The following ILK variants were observed in gnomAD, a reference collection of about 807,000 sequenced individuals.
ILK encodes scaffold protein ILK.
Under a neutral mutation model 57.8 loss-of-function variants are expected in ILK, and 37 were observed. The observed-to-expected ratio is 0.64, with a 90% CI of 0.49 to 0.84. ILK has a LOEUF of 0.84. ILK is among the 40% of genes least tolerant of loss of function. The probability of loss-of-function intolerance (pLI) is 0.00; values close to 1 mark genes in which losing one functional copy is unlikely to be tolerated. For missense variants in ILK, 528 were observed against 595.7 expected (o/e 0.89, Z 1.18); for synonymous variants, 231 against 202.2 (o/e 1.14, Z -1.21).
At chr11:6,604,519 G>T in intron 2 of ILK, 159 bp downstream of exon 2, 1 of 711,096 alleles carries the variant, frequency 1.4e-6, no homozygotes, top group East Asian at 2.7e-5. Flanking sequence ...AGAGGACGCA[G>T]TTTGAGCTGA....
At chr11:6,609,258 C>G (rs759232954) in intron 7 of ILK, 41 bp from the exon 8 acceptor site, 2 of 1,603,082 alleles carry the variant, frequency 1.2e-6, no homozygotes, top group South Asian at 1.1e-5. Flanking sequence ...AAGGAAGTGG[C>G]AGCAACATTT....
At chr11:6,607,309 G>T (rs992949638) in intron 2 of ILK, 3 of 152,140 alleles carry the variant, frequency 2.0e-5, no homozygotes, top group Non-Finnish European at 2.9e-5. Flanking sequence ...AAAAAATCAG[G>T]TATAGTTTTA....
chr11:6,608,588 G>T lies in ILK; in HGVS notation c.351+99G>T. On this transcript the variant is annotated intron_variant, in intron 4 of 12. Coordinates refer to ENST00000299421, the MANE Select transcript of ILK (RefSeq NM_004517.4). The surrounding 1 kb of genome is among the most constrained non-coding windows in gnomAD (Gnocchi z 4.9). ...CTCAACCCATTCTGTCAGTACTACT[G>T]TGTGACACTTACAGGATTAAGTTCT... The T allele has an allele frequency of 7.5e-7, 1 of 1,327,040 alleles. No individual in the cohort carries two copies. The highest frequency in any genetic ancestry group is 1.7e-5 in the Admixed American group (1 of 59,668). 82.2% of individuals were successfully genotyped at this position (1,327,040 alleles called of 1,614,324 possible).
chr11:6,609,281 C>T lies in ILK; in HGVS notation c.619-18C>T, dbSNP rs377752465. On this transcript the variant is annotated intron_variant, in intron 7 of 12. Transcript: ENST00000299421. ...GGCAGCAACATTTCAAGCCTCCTAA[C>T]CCCTACCTGTCCTGCAGCTATGGAA... 18 of 1,611,890 alleles carry T rather than the reference C, an allele frequency of 1.1e-5. No homozygotes were observed. Among genetic ancestry groups the T allele is most frequent in the Middle Eastern group, 1.6e-4 (1 of 6,084 alleles).
At chr11:6,610,103 C>T (rs1188053762) in intron 11 of ILK, 45 bp from the exon 12 acceptor site, 1 of 1,611,460 alleles carries the variant, frequency 6.2e-7, no homozygotes, top group South Asian at 1.1e-5. Flanking sequence ...GGGGCAGAGA[C>T]AGGACAGGCA....
chr11:6,608,677 T>C lies in ILK; in HGVS notation c.352-17T>C. On this transcript the variant is annotated splice_polypyrimidine_tract_variant and intron_variant, in intron 4 of 12. Coordinates refer to ENST00000299421, the MANE Select transcript of ILK (RefSeq NM_004517.4). The surrounding 1 kb of genome is among the most constrained non-coding windows in gnomAD (Gnocchi z 4.9). ...GAGGTAGCAGTGGCTCTCATCATAATGGCCTTTTCATTCCAGGACCTGGTG... is the reference window on the plus strand; with the variant it reads ...GAGGTAGCAGTGGCTCTCATCATAACGGCCTTTTCATTCCAGGACCTGGTG... 6.2e-7 allele frequency: 1 copy of C among 1,603,800 alleles called. No individual in the cohort carries two copies. Among genetic ancestry groups the C allele is most frequent in the East Asian group, 2.2e-5 (1 of 44,830 alleles).
chr11:6,609,605 T>C lies in ILK; in HGVS notation c.822T>C (p.Tyr274=). The change falls in exon 9 of 13, where the codon TAT becomes TAC. Residue 274 remains tyrosine (Y), a synonymous_variant. Coordinates refer to ENST00000299421, the MANE Select transcript of ILK (RefSeq NM_004517.4). ...HPTLITHWMP[Y]GSLYNVLHEG... is the part of the protein sequence containing the mutation. ...CTCTCATCACACACTGGATGCCGTA[T>C]GGATCCCTCTACAATGTACTACATG... 6.2e-7 allele frequency: 1 copy of C among 1,614,176 alleles called. No homozygotes were observed. Among genetic ancestry groups the C allele is most frequent in the Non-Finnish European group, 8.5e-7 (1 of 1,180,018 alleles).
chr11:6,604,777 G>A, intron 2 of ILK: 1 of 467,710 alleles, frequency 2.1e-6, no homozygotes, highest in Non-Finnish European at 4.2e-6. Context: ...GCATATTTAG[G>A]CTATAAGAAG....
In ILK at chr11:6,607,970, A is replaced by AT. The variant is rs1419198328; in HGVS notation, c.90-74dup. ...GGTAAGCCTTCCCAGAGAGTATGTA[A>AT]TTATCAGTTTTTCAGGAATCAAAAC... On this transcript the variant is annotated intron_variant, in intron 2 of 12. Coordinates refer to ENST00000299421, the MANE Select transcript of ILK (RefSeq NM_004517.4). The AT allele has an allele frequency of 4.8e-6, 7 of 1,452,782 alleles. No homozygotes were observed. The East Asian group carries it at 1.4e-4, about 29-fold the overall frequency. 90.0% of individuals were successfully genotyped at this position (1,452,782 alleles called of 1,614,324 possible).
intron 9 of ILK, 35 bp from the exon 10 acceptor site, chr11:6,609,689 C>T (rs755803042): frequency 1.2e-6 from 2 of 1,614,028 alleles, no homozygotes; most frequent in Non-Finnish European, 1.7e-6. Flanking sequence ...AGAGAGGGAG[C>T]CTCTCTGAAC....
Position 6,610,274 on chromosome 11 carries a change from T to C in ILK, c.1205T>C (p.Met402Thr). The change falls in exon 12 of 13, where the codon ATG becomes ACG. Residue 402 changes from methionine (M) to threonine (T), a missense_variant. Physicochemically the swap from Met to Thr is moderately conservative, Grantham distance 81. Transcript: ENST00000299421. ...FADLSNMEIG[M>T]KVALEGLRPT... The stretch of plus-strand genomic sequence containing the variant: ...GACCTCTCCAATATGGAGATTGGAA[T>C]GAAGGTGAGAGCACAACAGCATACA... 6.2e-7 allele frequency: 1 copy of C among 1,614,142 alleles called. No individual in the cohort carries two copies. Among genetic ancestry groups the C allele is most frequent in the Non-Finnish European group, 8.5e-7 (1 of 1,180,018 alleles).
rs935383166 is a variant in ILK, at chr11:6,610,681, A to G, written c.*70A>G. The G allele has an allele frequency of 1.6e-5, 26 of 1,592,642 alleles. No individual in the cohort carries two copies. Among genetic ancestry groups the G allele is most frequent in the Non-Finnish European group, 2.2e-5 (26 of 1,162,340 alleles). ...TTGGGGGAATGCACCTCCCCAAAGCAGCAGGCCTCTGGTTGCCTCCCCCGC... is the reference window on the plus strand; with the variant it reads ...TTGGGGGAATGCACCTCCCCAAAGCGGCAGGCCTCTGGTTGCCTCCCCCGC... On this transcript the variant is annotated 3_prime_UTR_variant, in exon 13 of 13. Coordinates refer to ENST00000299421, the MANE Select transcript of ILK (RefSeq NM_004517.4).
Position 6,610,467 on chromosome 11 carries a change from A to G in ILK, c.1215A>G (p.Ala405=), listed in dbSNP as rs1855396227. Residue 405 remains alanine, a synonymous_variant, in exon 13 of 13, where the codon GCA becomes GCG. Transcript: ENST00000299421. ...TTTTTTTCTTGTATTCGCAGGTGGC[A>G]TTGGAAGGCCTTCGGCCTACCATCC... ...LSNMEIGMKV[A]LEGLRPTIPP... is the part of the protein sequence containing the mutation. The G allele has an allele frequency of 1.9e-6, 3 of 1,614,250 alleles. No individual in the cohort carries two copies. In the South Asian group the frequency reaches 3.3e-5, roughly 18 times the overall value.
Position 6,610,130 on chromosome 11 carries a change from C to T in ILK, c.1079-18C>T, listed in dbSNP as rs111833028. The T allele has an allele frequency of 8.7e-3, 14,090 of 1,614,196 alleles. 232 individuals carry two copies. Among genetic ancestry groups the T allele is most frequent in the South Asian group, 0.053 (4,811 of 91,088 alleles). ...GGACAGGCAAGGGGGCCAGAACAGA[C>T]AAGCCCTATCTCTCCAGCTCTGCAG... On this transcript the variant is annotated intron_variant, in intron 11 of 12. Transcript: ENST00000299421.
Position 6,610,760 on chromosome 11 carries a change from A to AC in ILK, c.*151dup. On this transcript the variant is annotated 3_prime_UTR_variant, in exon 13 of 13. Coordinates refer to ENST00000299421, the MANE Select transcript of ILK (RefSeq NM_004517.4). ...GGGTCCATCCCCTTCCCCCATCCCT[A>AC]CCACTGTGGCCCCAAGAGGGGCGGG... is the stretch of plus-strand genomic sequence containing the variant. 1 of 1,329,970 alleles carries AC rather than the reference A, an allele frequency of 7.5e-7. No individual in the cohort carries two copies. The highest frequency in any genetic ancestry group is 1.1e-6 in the Non-Finnish European group (1 of 937,694). 82.4% of individuals were successfully genotyped at this position (1,329,970 alleles called of 1,614,324 possible).
chr11:6,609,453 T>C, intron 8 of ILK, 45 bp downstream of exon 8: 1 of 1,613,934 alleles, frequency 6.2e-7, no homozygotes, highest in Non-Finnish European at 8.5e-7. Flanking sequence ...CAAGGAACCC[T>C]GAATAGCACT....
chr11:6,609,835 G>A lies in ILK; in HGVS notation c.968G>A (p.Arg323His), dbSNP rs199652324. 9.9e-6 allele frequency: 16 copies of A among 1,614,088 alleles called. No individual in the cohort carries two copies. Among genetic ancestry groups the A allele is most frequent in the African/African-American group, 2.7e-5 (2 of 74,928 alleles). Residue 323 changes from arginine to histidine, a missense_variant, in exon 10 of 13, where the codon CGT becomes CAT. Coordinates refer to ENST00000299421, the MANE Select transcript of ILK (RefSeq NM_004517.4). Reference sequence around the variant, plus strand: ...ATCCCACGACATGCACTCAATAGCCGTAGTGTAATGGTGAGGCCACAAGCT... The same window carrying A: ...ATCCCACGACATGCACTCAATAGCCATAGTGTAATGGTGAGGCCACAAGCT... ...PLIPRHALNSRSVMIDEDMTA... is the reference protein window; with the variant it reads ...PLIPRHALNSHSVMIDEDMTA...
chr11:6,610,129 A>T lies in ILK; in HGVS notation c.1079-19A>T. 1 of 1,614,218 alleles carries T rather than the reference A, an allele frequency of 6.2e-7. No individual in the cohort carries two copies. Among genetic ancestry groups the T allele is most frequent in the Non-Finnish European group, 8.5e-7 (1 of 1,180,034 alleles). On this transcript the variant is annotated intron_variant, in intron 11 of 12. Transcript: ENST00000299421. ...AGGACAGGCAAGGGGGCCAGAACAG[A>T]CAAGCCCTATCTCTCCAGCTCTGCA...
intron 2 of ILK, 83 bp from the exon 3 acceptor site, chr11:6,607,963 G>A (rs951999214): frequency 5.7e-6 from 8 of 1,395,678 alleles, no homozygotes; most frequent in Non-Finnish European, 8.1e-6. Flanking sequence ...TTCCCAGAGA[G>A]TATGTAATTA....
Sources: gnomAD v4.1 joint callset for allele counts on GRCh38, gnomAD v4.1.1 for gene constraint, Gnocchi (gnomAD v3.1) non-coding constraint, MANE v1.5 for transcripts, NCBI Gene and HGNC (gene_info 2026-07-23, HGNC 2026-07-21) for gene names.